The following RGS6 variants were observed in gnomAD, a reference collection of about 807,000 sequenced individuals.
RGS6 encodes regulator of G-protein signaling 6.
RGS6 carries 30 observed loss-of-function variants against 78.5 expected under a neutral mutation model. The ratio of observed to expected loss-of-function variants is 0.38; its 90% CI spans 0.29 to 0.52. The LOEUF is 0.52. Ranked by LOEUF, RGS6 falls within the 20% of genes least tolerant of loss-of-function variation. The probability of loss-of-function intolerance (pLI) is 0.85; values close to 1 mark genes in which losing one functional copy is unlikely to be tolerated. For missense variants in RGS6, 495 were observed against 609.7 expected (o/e 0.81, Z 1.98); for synonymous variants, 206 against 206.0 (o/e 1.00, Z 0.00).
At chr14:71,876,949 A>G in the RGS6 span, among the ~76,000 whole-genome samples, 2 of 152,114 alleles carry the variant, frequency 1.3e-5, no homozygotes, top group South Asian at 4.1e-4. Flanking sequence ...TAGTTTGGCT[A>G]GATATGAAAT....
chr14:72,518,302 C>T, intron 14 of RGS6, 49 bp from the exon 15 acceptor site: 1 of 1,569,026 alleles, frequency 6.4e-7, no homozygotes, highest in Non-Finnish European at 8.7e-7. Context: ...CAGGCAACAT[C>T]CCGATGCTGA....
rs78840738 is a variant in RGS6, at chr14:72,251,480, C to A, written c.85-100615C>A. Among the ~76,000 whole-genome samples the A allele has an allele frequency of 3.4e-3, 525 of 152,294 alleles. 3 individuals are homozygous for A. Among genetic ancestry groups the A allele is most frequent in the African/African-American group, 0.011 (475 of 41,564 alleles). On this transcript the variant is annotated intron_variant, in intron 2 of 17. Transcript: ENST00000553525. ...TTAGCAAGTCCTTGGTTCAGAGGCA[C>A]TTTCTGAGGTATTCCAATTTCTTTC...
chr14:72,092,467 C>T (rs906198232), intron 2 of RGS6, among the ~76,000 whole-genome samples: 40 of 152,142 alleles, frequency 2.6e-4, no homozygotes, highest in African/African-American at 8.7e-4. Context: ...CTGCAACCTC[C>T]GCCTCCCGGG....
At chr14:71,990,835 C>T (rs56775021) in intron 2 of RGS6, 17 of 456,058 alleles carry the variant, frequency 3.7e-5, no homozygotes, top group African/African-American at 3.4e-4. Context: ...ACAAACATAA[C>T]AGGTAGAACA....
chr14:72,068,658 G>A (rs1329438498), intron 2 of RGS6, among the ~76,000 whole-genome samples: 4 of 151,380 alleles, frequency 2.6e-5, no homozygotes, highest in African/African-American at 7.3e-5. Context: ...CACCACACCC[G>A]GCTAATTTTT....
intron 8 of RGS6, among the ~76,000 whole-genome samples, chr14:72,470,523 AAAAG>A (rs1328833337): frequency 6.6e-6 from 1 of 152,216 alleles, no homozygotes; most frequent in African/African-American, 2.4e-5. Context: ...AACCAACAGA[AAAAG>A]AAGGCACAGA....
chr14:72,051,856 T>C (rs1019092049), intron 2 of RGS6, among the ~76,000 whole-genome samples: 1 of 152,216 alleles, frequency 6.6e-6, no homozygotes, highest in African/African-American at 2.4e-5. Flanking sequence ...CAGAGCGACC[T>C]GACCAAAAAA....
chr14:72,021,898 A>G (rs2088679930), intron 2 of RGS6, among the ~76,000 whole-genome samples: 1 of 151,944 alleles, frequency 6.6e-6, no homozygotes, highest in African/African-American at 2.4e-5. Flanking sequence ...CCTAGTACCC[A>G]ATAATTATTT....
At chr14:72,214,181 T>A (rs577833380) in intron 2 of RGS6, among the ~76,000 whole-genome samples, 205 of 149,070 alleles carry the variant, frequency 1.4e-3, no homozygotes, top group Middle Eastern at 6.8e-3. Flanking sequence ...TTTCTTATTT[T>A]TTTTTTTTTT....
Position 72,562,533 on chromosome 14 carries a change from T to C in RGS6, c.*66T>C. On this transcript the variant is annotated 3_prime_UTR_variant, in exon 18 of 18. Coordinates refer to ENST00000553525, the MANE Select transcript of RGS6 (RefSeq NM_001204424.2). ...CACAGGCAGGCGGCGGCGCTCCACA[T>C]CTGCGGACAGAGTTTCCTTACGAGG... 1 of 1,600,160 alleles carries C rather than the reference T, an allele frequency of 6.2e-7. No individual in the cohort carries two copies. Among genetic ancestry groups the C allele is most frequent in the Non-Finnish European group, 8.5e-7 (1 of 1,178,032 alleles).
intron 2 of RGS6, among the ~76,000 whole-genome samples, chr14:72,172,996 A>G (rs2097047965): frequency 6.6e-6 from 1 of 152,136 alleles, no homozygotes; most frequent in Non-Finnish European, 1.5e-5. Context: ...TTTCTGCCCT[A>G]CCTGGGGCAG....
intron 2 of RGS6, among the ~76,000 whole-genome samples, chr14:72,229,896 A>C (rs2049110780): frequency 6.6e-6 from 1 of 152,216 alleles, no homozygotes. Flanking sequence ...ATGAGGCATA[A>C]GACTCGCTTC....
chr14:71,931,154 A>G (rs1199210390), upstream of RGS6, among the ~76,000 whole-genome samples: 2 of 152,132 alleles, frequency 1.3e-5, no homozygotes, highest in Non-Finnish European at 2.9e-5. Flanking sequence ...GGAAAGAAAG[A>G]TTTTATATTT....
chr14:72,009,338 AC>A (rs1247250764), intron 2 of RGS6, among the ~76,000 whole-genome samples: 1 of 151,678 alleles, frequency 6.6e-6, no homozygotes, highest in Non-Finnish European at 1.5e-5. Flanking sequence ...ACAGAGTGAG[AC>A]CCCCCACCCC....
At chr14:71,925,001 G>A in the RGS6 span, among the ~76,000 whole-genome samples, 3 of 152,034 alleles carry the variant, frequency 2.0e-5, no homozygotes, top group East Asian at 3.9e-4. Flanking sequence ...ATCTCCACAC[G>A]TTTTCCATAA....
intron 17 of RGS6, among the ~76,000 whole-genome samples, chr14:72,557,202 A>G (rs76301972): frequency 1.7e-3 from 264 of 152,084 alleles, no homozygotes; most frequent in African/African-American, 5.9e-3. Context: ...TTGAGTTAAT[A>G]GAGGGTGATA....
intron 1 of RGS6, among the ~76,000 whole-genome samples, chr14:71,962,981 C>T (rs1222606977): frequency 6.6e-6 from 1 of 152,120 alleles, no homozygotes; most frequent in East Asian, 1.9e-4. Context: ...GTGCAAATAA[C>T]CCAGGCAGCC....
At chr14:72,242,839 CTTTTTTTT>C (rs35675211) in intron 2 of RGS6, among the ~76,000 whole-genome samples, 9 of 69,136 alleles carry the variant, frequency 1.3e-4, no homozygotes, top group Non-Finnish European at 2.0e-4. Flanking sequence ...CATTTCTTTT[CTTTTTTTT>C]TTTTTTTTTT....
chr14:72,575,772 T>C, the RGS6 span, among the ~76,000 whole-genome samples: 1 of 152,248 alleles, frequency 6.6e-6, no homozygotes, highest in South Asian at 2.1e-4. Flanking sequence ...AAAACATCCA[T>C]AATGTGCACC....
Sources: allele counts gnomAD v4.1 joint callset (sites outside exome capture counted in the v4.1 genomes callset), GRCh38; gene constraint gnomAD v4.1.1; transcripts MANE v1.5; gene names NCBI Gene and HGNC (gene_info 2026-07-23, HGNC 2026-07-21).